SHOC1: variants seen among roughly 807,000 people sequenced by gnomAD.
SHOC1 encodes the protein shortage in chiasmata 1, also known as protein shortage in chiasmata 1 ortholog.
SHOC1 carries 136 observed loss-of-function variants against 179.2 expected under a neutral mutation model. The ratio of observed to expected loss-of-function variants is 0.76; its 90% CI spans 0.66 to 0.87. The LOEUF is 0.87. Ranked by LOEUF, SHOC1 falls within the 40% of genes least tolerant of loss-of-function variation. The pLI is 0.00. For missense variants in SHOC1, 1,538 were observed against 1,700.8 expected, an observed-to-expected ratio of 0.90 and a Z score of 1.68; for synonymous variants, 489 against 586.6, an observed-to-expected ratio of 0.83 and a Z score of 2.41.
intron 8 of SHOC1, among the ~76,000 whole-genome samples, chr9:111,754,325 A>C (rs1355253018): frequency 6.6e-6 from 1 of 152,240 alleles, no homozygotes; most frequent in African/African-American, 2.4e-5. Flanking sequence ...CATTTCTCCA[A>C]AGAAGATATA....
In SHOC1 at chr9:111,783,240, ACT is replaced by A. The variant is rs376444581; in HGVS notation, c.170-2225_170-2224del. On this transcript the variant is annotated intron_variant, in intron 3 of 27. Transcript: ENST00000682961. ...AAAATTCCCCAAAATATTCAAATTC[ACT>A]CTCTCACTTTCCCACTTCCCATTAT... 3 of 152,106 alleles carry A rather than the reference ACT, an allele frequency of 2.0e-5. No individual in the cohort carries two copies. In the East Asian group the frequency reaches 5.8e-4, roughly 29 times the overall value. 9.4% of individuals were successfully genotyped at this position (152,106 alleles called of 1,614,324 possible).
At chr9:111,748,536 C>T (rs1435809702) in intron 8 of SHOC1, among the ~76,000 whole-genome samples, 2 of 152,168 alleles carry the variant, frequency 1.3e-5, no homozygotes, top group Non-Finnish European at 2.9e-5. Flanking sequence ...TGAAGGGTTT[C>T]ATCTCTATCA....
At chr9:111,786,683 C>A (rs1282117521) in intron 2 of SHOC1, among the ~76,000 whole-genome samples, 1 of 152,016 alleles carries the variant, frequency 6.6e-6, no homozygotes, top group Non-Finnish European at 1.5e-5. Context: ...AATCTGTGAT[C>A]AGTGGTCTTT....
chr9:111,721,663 A>C (rs1833059189), intron 15 of SHOC1, among the ~76,000 whole-genome samples: 4 of 152,108 alleles, frequency 2.6e-5, no homozygotes, highest in South Asian at 2.1e-4. Context: ...TCTTTGATCA[A>C]TCATCTGCTG....
intron 9 of SHOC1, among the ~76,000 whole-genome samples, chr9:111,746,888 A>C (rs1834315452): frequency 6.6e-6 from 1 of 152,014 alleles, no homozygotes; most frequent in South Asian, 2.1e-4. Flanking sequence ...TAATAGCTAA[A>C]CTTTATTGAG....
chr9:111,710,770 AATGTGTAGGAG>A (rs1473813624), intron 18 of SHOC1, among the ~76,000 whole-genome samples: 1 of 152,150 alleles, frequency 6.6e-6, no homozygotes, highest in Non-Finnish European at 1.5e-5. Context: ...ATTTTTTAAA[AATGTGTAGGAG>A]TTAGCTTCCT....
chr9:111,740,125 T>G (rs974129602), intron 11 of SHOC1, among the ~76,000 whole-genome samples: 1 of 152,200 alleles, frequency 6.6e-6, no homozygotes, highest in African/African-American at 2.4e-5. Flanking sequence ...GGTAGAAATA[T>G]GCAAATTTAT....
chr9:111,740,411 T>A (rs1010599543), intron 11 of SHOC1, among the ~76,000 whole-genome samples: 6 of 152,220 alleles, frequency 3.9e-5, no homozygotes, highest in African/African-American at 1.4e-4. Flanking sequence ...CAGTGATTCA[T>A]TTAAAAATTT....
At chr9:111,717,179 G>A (rs1832828237) in intron 16 of SHOC1, among the ~76,000 whole-genome samples, 1 of 152,094 alleles carries the variant, frequency 6.6e-6, no homozygotes, top group Non-Finnish European at 1.5e-5. Flanking sequence ...TTTATGTCTG[G>A]ATCATAAATA....
chr9:111,686,957 T>C, intron 27 of SHOC1, 87 bp from the exon 28 acceptor site: 2 of 787,688 alleles, frequency 2.5e-6, no homozygotes, highest in South Asian at 1.9e-5. Context: ...TTTTTTTTTC[T>C]TTTTTGAGAT....
intron 9 of SHOC1, among the ~76,000 whole-genome samples, chr9:111,747,728 G>A (rs1461732845): frequency 6.6e-6 from 1 of 152,060 alleles, no homozygotes; most frequent in Non-Finnish European, 1.5e-5. Context: ...TTACAGCCAT[G>A]TGTCACCATG....
rs16916318 is a variant in SHOC1 at position 111,708,986 on chromosome 9, G to A, written c.2489-1062C>T. Among the ~76,000 whole-genome samples the A allele has an allele frequency of 1.0e-2, 1,520 of 152,266 alleles. 27 individuals are homozygous for A. The highest frequency in any genetic ancestry group is 0.034 in the African/African-American group (1,421 of 41,536). On this transcript the variant is annotated intron_variant, in intron 18 of 27. Transcript: ENST00000682961. ...CTTTACTTGACATGACAATAGTTCT[G>A]GTAGTGATAAGAAGTGAGTACTATT... is the stretch of plus-strand genomic sequence containing the variant.
intron 5 of SHOC1, among the ~76,000 whole-genome samples, chr9:111,764,606 G>A (rs931974804): frequency 2.0e-5 from 3 of 152,158 alleles, no homozygotes; most frequent in South Asian, 4.1e-4. Flanking sequence ...TGGGGGGAAC[G>A]TGGTAGTGAG....
intron 16 of SHOC1, 41 bp from the exon 17 acceptor site, chr9:111,714,664 T>G (rs754720943): frequency 1.3e-6 from 2 of 1,536,222 alleles, no homozygotes; most frequent in Admixed American, 4.3e-5. Context: ...TAAGTATTTG[T>G]TTTTTAAGAA....
chr9:111,771,561 T>C (rs1182684769), intron 5 of SHOC1, among the ~76,000 whole-genome samples: 1 of 152,158 alleles, frequency 6.6e-6, no homozygotes, highest in African/African-American at 2.4e-5. Context: ...TCCTTTCAGA[T>C]TGAAGAACCC....
chr9:111,760,729 T>C (rs1835098885), intron 5 of SHOC1, among the ~76,000 whole-genome samples: 1 of 151,758 alleles, frequency 6.6e-6, no homozygotes, highest in Non-Finnish European at 1.5e-5. Flanking sequence ...AGAAAGTATA[T>C]GCAGGAAATG....
intron 5 of SHOC1, 121 bp downstream of exon 5, chr9:111,775,670 A>T: frequency 1.4e-6 from 1 of 698,568 alleles, no homozygotes; most frequent in Non-Finnish European, 2.3e-6. Flanking sequence ...CAAAGCTTAG[A>T]GTTATGCAGG....
chr9:111,691,488 A>G (rs1589368573), intron 27 of SHOC1, 63 bp downstream of exon 27: 1 of 1,447,068 alleles, frequency 6.9e-7, no homozygotes, highest in East Asian at 2.3e-5. Context: ...TTAAATTTGG[A>G]GATGATTTTA....
intron 27 of SHOC1, among the ~76,000 whole-genome samples, chr9:111,689,404 A>G (rs1831325850): frequency 6.6e-6 from 1 of 151,000 alleles, no homozygotes; most frequent in South Asian, 2.1e-4. Context: ...ATGCCAAAAA[A>G]TAAAAATAAA....
Sources: gnomAD v4.1 joint callset for allele counts (sites outside exome capture counted in the v4.1 genomes callset) on GRCh38, gnomAD v4.1.1 for gene constraint, MANE v1.5 for transcripts, NCBI Gene and HGNC (gene_info 2026-07-23, HGNC 2026-07-21) for gene names.